Variants in FUT9 observed in about 807,000 individuals in gnomAD.
FUT9 encodes the protein 4-galactosyl-N-acetylglucosaminide 3-alpha-L-fucosyltransferase 9.
A neutral mutation model predicts 29.7 loss-of-function variants in FUT9; 15 were observed. The ratio of observed to expected loss-of-function variants is 0.51; its 90% CI spans 0.34 to 0.78. FUT9 has a LOEUF of 0.78. FUT9 is among the 30% of genes least tolerant of loss of function. The probability of loss-of-function intolerance (pLI) is 0.01; values close to 1 mark genes in which losing one functional copy is unlikely to be tolerated. For missense variants in FUT9, 319 were observed against 425.4 expected, an observed-to-expected ratio of 0.75 and a Z score of 2.20; for synonymous variants, 169 against 153.7, an observed-to-expected ratio of 1.10 and a Z score of -0.74.
chr6:96,173,338 C>T (rs552720453), intron 2 of FUT9, among the ~76,000 whole-genome samples: 1 of 152,098 alleles, frequency 6.6e-6, no homozygotes, highest in South Asian at 2.1e-4. Flanking sequence ...TTTATTTTGT[C>T]TGCCATTCTC....
chr6:96,097,513 G>A (rs1316503268), intron 1 of FUT9, among the ~76,000 whole-genome samples: 1 of 152,012 alleles, frequency 6.6e-6, no homozygotes, highest in East Asian at 1.9e-4. Flanking sequence ...GAATTCATGA[G>A]TAAAATGTAT....
At chr6:96,041,494 C>A (rs1315168156) in intron 1 of FUT9, among the ~76,000 whole-genome samples, 1 of 152,154 alleles carries the variant, frequency 6.6e-6, no homozygotes, top group African/African-American at 2.4e-5. Context: ...TTCCTTCCAA[C>A]ATCCCATTTC....
intron 2 of FUT9, among the ~76,000 whole-genome samples, chr6:96,161,069 G>C (rs1315906447): frequency 6.6e-6 from 1 of 152,248 alleles, no homozygotes; most frequent in East Asian, 1.9e-4. Context: ...TAACACAAGA[G>C]TAGAAACAGT....
At chr6:96,198,249 C>T (rs1275998841) in intron 2 of FUT9, among the ~76,000 whole-genome samples, 2 of 151,696 alleles carry the variant, frequency 1.3e-5, no homozygotes, top group Non-Finnish European at 1.5e-5. Context: ...GTATATCTCC[C>T]AATGCTATCC....
chr6:96,067,446 A>G (rs895085456), intron 1 of FUT9, among the ~76,000 whole-genome samples: 1 of 152,136 alleles, frequency 6.6e-6, no homozygotes, highest in Non-Finnish European at 1.5e-5. Flanking sequence ...AAACATAGGA[A>G]TGACGGAGTC....
chr6:96,173,786 C>A (rs1478061282), intron 2 of FUT9, among the ~76,000 whole-genome samples: 1 of 150,802 alleles, frequency 6.6e-6, no homozygotes, highest in African/African-American at 2.4e-5. Context: ...TTTTTTTTCT[C>A]TAATACTGTC....
At chr6:96,141,264 G>GT in intron 2 of FUT9, among the ~76,000 whole-genome samples, 1 of 152,134 alleles carries the variant, frequency 6.6e-6, no homozygotes, top group Admixed American at 6.5e-5. Context: ...ATAGGCTTTT[G>GT]TATCATTTTT....
chr6:96,078,583 G>A (rs564180139), intron 1 of FUT9, among the ~76,000 whole-genome samples: 287 of 151,548 alleles, frequency 1.9e-3, no homozygotes, highest in African/African-American at 6.4e-3. Flanking sequence ...ACTACGCCCG[G>A]CTAATTTTCT....
At chr6:96,024,720 GCA>G (rs1770133972) in intron 1 of FUT9, among the ~76,000 whole-genome samples, 1 of 151,708 alleles carries the variant, frequency 6.6e-6, no homozygotes, top group South Asian at 2.1e-4. Flanking sequence ...AAGTTTCTCT[GCA>G]CAGTGTTGAT....
At chr6:96,094,449 T>C (rs1771462345) in intron 1 of FUT9, among the ~76,000 whole-genome samples, 1 of 152,092 alleles carries the variant, frequency 6.6e-6, no homozygotes, top group South Asian at 2.1e-4. Flanking sequence ...AAAGTGAAAG[T>C]TCTGTACTAA....
chr6:96,077,367 T>A (rs1448408340), intron 1 of FUT9, among the ~76,000 whole-genome samples: 1 of 152,208 alleles, frequency 6.6e-6, no homozygotes, highest in African/African-American at 2.4e-5. Context: ...CTTATACAAC[T>A]TCATGTTGTT....
intron 2 of FUT9, among the ~76,000 whole-genome samples, chr6:96,128,879 C>T (rs1772180286): frequency 6.6e-6 from 1 of 152,010 alleles, no homozygotes; most frequent in African/African-American, 2.4e-5. Flanking sequence ...AATACCAGCA[C>T]TTTGAAAGGC....
At chr6:96,060,561 G>C (rs1770856660) in intron 1 of FUT9, among the ~76,000 whole-genome samples, 1 of 149,266 alleles carries the variant, frequency 6.7e-6, no homozygotes, top group African/African-American at 2.5e-5. Flanking sequence ...TTTTGACATG[G>C]AGTCTCTCTC....
At chr6:96,088,464 C>T (rs1342520117) in intron 1 of FUT9, among the ~76,000 whole-genome samples, 1 of 151,394 alleles carries the variant, frequency 6.6e-6, no homozygotes, top group Non-Finnish European at 1.5e-5. Context: ...ATTTTTAGGA[C>T]TCCTATTATT....
chr6:96,042,342 G>T (rs1053540036), intron 1 of FUT9, among the ~76,000 whole-genome samples: 10 of 152,058 alleles, frequency 6.6e-5, no homozygotes, highest in Admixed American at 5.9e-4. Flanking sequence ...TTTAACTATT[G>T]TTTTTTCTTG....
chr6:96,069,779 C>T (rs1479442104), intron 1 of FUT9, among the ~76,000 whole-genome samples: 6 of 151,942 alleles, frequency 3.9e-5, no homozygotes, highest in South Asian at 4.1e-4. Context: ...TACAGGCGCG[C>T]GCCACCATGC....
At chr6:96,085,650 GA>G (rs955559532) in intron 1 of FUT9, among the ~76,000 whole-genome samples, 3 of 152,036 alleles carry the variant, frequency 2.0e-5, no homozygotes, top group Non-Finnish European at 4.4e-5. Context: ...CAGTCATAAG[GA>G]AAAAAACTTA....
At chr6:96,158,916 A>C (rs1398959795) in intron 2 of FUT9, among the ~76,000 whole-genome samples, 1 of 152,056 alleles carries the variant, frequency 6.6e-6, no homozygotes, top group East Asian at 1.9e-4. Context: ...GATGTTGATC[A>C]ATGTAAAGGT....
chr6:96,090,607 G>A (rs1377237403), intron 1 of FUT9, among the ~76,000 whole-genome samples: 2 of 151,426 alleles, frequency 1.3e-5, no homozygotes, highest in Non-Finnish European at 3.0e-5. Flanking sequence ...ACACATCTCT[G>A]GTAAGATTGA....
Sources: allele counts gnomAD v4.1 joint callset (sites outside exome capture counted in the v4.1 genomes callset), GRCh38; gene constraint gnomAD v4.1.1; transcripts MANE v1.5; gene names NCBI Gene and HGNC (gene_info 2026-07-23, HGNC 2026-07-21).